The following USP33 variants were observed in gnomAD, a reference collection of about 807,000 sequenced individuals.
USP33 encodes ubiquitin carboxyl-terminal hydrolase 33.
In USP33, 46 loss-of-function variants were observed where a neutral mutation model predicts 124.2. The observed-to-expected ratio is 0.37, with a 90% CI of 0.29 to 0.47. The LOEUF (loss-of-function observed/expected upper bound fraction) is 0.47. Among genes scored for constraint, USP33 ranks in the 20% least tolerant of loss-of-function variants. The probability of loss-of-function intolerance (pLI) is 0.99; values close to 1 mark genes in which losing one functional copy is unlikely to be tolerated. For missense variants in USP33, 851 were observed against 1,070.6 expected, an observed-to-expected ratio of 0.79 and a Z score of 2.86; for synonymous variants, 350 against 352.3, an observed-to-expected ratio of 0.99 and a Z score of 0.07.
intron 21 of USP33, among the ~76,000 whole-genome samples, chr1:77,708,775 C>G (rs1674910535): frequency 3.6e-5 from 1 of 27,506 alleles, no homozygotes; most frequent in Non-Finnish European, 6.7e-5. Flanking sequence ...TTCAGGTTAT[C>G]CACCTGTGTA....
chr1:77,746,298 C>T (rs1679732887), intron 1 of USP33: 1 of 152,144 alleles, frequency 6.6e-6, no homozygotes, highest in Non-Finnish European at 1.5e-5. Context: ...TGGATAAATT[C>T]CTGGACACAT....
chr1:77,716,002 G>A (rs1349106344), intron 17 of USP33, 134 bp from the exon 18 acceptor site: 1 of 944,636 alleles, frequency 1.1e-6, no homozygotes. Flanking sequence ...TTTTTTTTCA[G>A]TTTGCACGCT....
Position 77,697,487 on chromosome 1 carries a change from T to C in USP33, c.2579-13A>G, listed in dbSNP as rs1673529908. On this transcript the variant is annotated splice_polypyrimidine_tract_variant and intron_variant, in intron 23 of 23. Coordinates refer to ENST00000370794, the MANE Select transcript of USP33 (RefSeq NM_201624.3). ...CCAGAATCTGCTCCTTAAAATTACG[T>C]AGAAGAAATAATGTTTACAAACCTA... 2.5e-6 allele frequency: 4 copies of C among 1,587,322 alleles called. No individual in the cohort carries two copies. The highest frequency in any genetic ancestry group is 1.4e-5 in the African/African-American group (1 of 72,976).
At chr1:77,747,239 GC>G (rs1679833161) in intron 1 of USP33, among the ~76,000 whole-genome samples, 1 of 140,466 alleles carries the variant, frequency 7.1e-6, no homozygotes, top group Admixed American at 7.1e-5. Context: ...GGGCTTCTGG[GC>G]TTTTTTTTTT....
intron 22 of USP33, among the ~76,000 whole-genome samples, chr1:77,700,586 C>T (rs1436339847): frequency 2.0e-5 from 3 of 151,666 alleles, no homozygotes; most frequent in Admixed American, 1.3e-4. Context: ...TAAACCTGGG[C>T]AACAGGGTTA....
intron 1 of USP33, among the ~76,000 whole-genome samples, chr1:77,753,115 A>C (rs1052449495): frequency 6.6e-6 from 1 of 152,182 alleles, no homozygotes; most frequent in Non-Finnish European, 1.5e-5. Context: ...GCTAAAATTA[A>C]CAGGACGAAA....
At chr1:77,750,624 A>AAAAGAAAGAAAGAAAG (rs532432531) in intron 1 of USP33, among the ~76,000 whole-genome samples, 33 of 123,386 alleles carry the variant, frequency 2.7e-4, no homozygotes, top group Admixed American at 3.8e-4. Flanking sequence ...CCTGACTTAA[A>AAAAGAAAGAAAGAAAG]AAAGAAAGAA....
At chr1:77,712,401 G>A (rs890020540) in intron 20 of USP33, among the ~76,000 whole-genome samples, 3 of 152,142 alleles carry the variant, frequency 2.0e-5, no homozygotes, top group African/African-American at 7.2e-5. Flanking sequence ...ATGTGTGCCT[G>A]TAATCCCAGG....
intron 12 of USP33, among the ~76,000 whole-genome samples, chr1:77,722,710 A>G (rs2101393925): frequency 6.6e-6 from 1 of 152,342 alleles, no homozygotes; most frequent in East Asian, 1.9e-4. Context: ...ATTTGACTTG[A>G]GATTCTAACA....
At chr1:77,741,776 A>G in intron 1 of USP33, 28 bp from the exon 2 acceptor site, 1 of 1,532,724 alleles carries the variant, frequency 6.5e-7, no homozygotes, top group Non-Finnish European at 8.7e-7. Flanking sequence ...CACACAAAAA[A>G]ATTAATAAAT....
intron 21 of USP33, 54 bp downstream of exon 21, chr1:77,711,693 T>C (rs763060113): frequency 1.3e-6 from 2 of 1,575,182 alleles, no homozygotes; most frequent in South Asian, 2.4e-5. Flanking sequence ...ACTCTGATAA[T>C]TGTCAGGTCT....
chr1:77,698,743 A>G (rs967244776), intron 22 of USP33, among the ~76,000 whole-genome samples: 1 of 150,162 alleles, frequency 6.7e-6, no homozygotes, highest in South Asian at 2.1e-4. Context: ...CTCGTGATCC[A>G]CCCCCCTCGG....
intron 15 of USP33, among the ~76,000 whole-genome samples, chr1:77,720,772 C>T (rs1676478706): frequency 1.3e-5 from 2 of 152,128 alleles, no homozygotes; most frequent in South Asian, 2.1e-4. Flanking sequence ...CTGTCTTTCT[C>T]GTATGCCATT....
intron 1 of USP33, among the ~76,000 whole-genome samples, chr1:77,753,456 T>C (rs1680530769): frequency 6.6e-6 from 1 of 152,016 alleles, no homozygotes; most frequent in South Asian, 2.1e-4. Context: ...ATTTTTTAAT[T>C]GAATAGAGTG....
intron 15 of USP33, chr1:77,720,550 G>C: frequency 1.0e-6 from 1 of 985,384 alleles, no homozygotes; most frequent in Non-Finnish European, 1.2e-6. Context: ...CTAGAAGTCT[G>C]TATTATCCCA....
Position 77,728,353 on chromosome 1 carries a change from T to C in USP33, c.1077A>G (p.Glu359=), listed in dbSNP as rs1164296895. The change falls in exon 10 of 24, where the codon GAA becomes GAG. Residue 359 remains glutamate (E), a synonymous_variant. Transcript: ENST00000370794. ...TTTCCTGGTTGTTTAAGTCGACTGTTTCAGATATAGAGTCTCTATCTTTAT... is the reference window on the plus strand; with the variant it reads ...TTTCCTGGTTGTTTAAGTCGACTGTCTCAGATATAGAGTCTCTATCTTTAT... The part of the protein sequence containing the change: ...EFDKDRDSIS[E]TVDLNNQETV... 2 of 1,611,548 alleles carry C rather than the reference T, an allele frequency of 1.2e-6. No homozygotes were observed. Among genetic ancestry groups the C allele is most frequent in the Non-Finnish European group, 1.7e-6 (2 of 1,179,472 alleles).
In USP33 at chr1:77,729,942, A is replaced by G. The variant is rs768039841; in HGVS notation, c.639-4T>C. The G allele has an allele frequency of 3.1e-6, 5 of 1,590,110 alleles. No individual in the cohort carries two copies. Among genetic ancestry groups the G allele is most frequent in the East Asian group, 2.2e-5 (1 of 44,668 alleles). The stretch of plus-strand genomic sequence containing the variant: ...AGTAGGCACAACAGATCCTGGCCTG[A>G]GCAAGAAAACATTTTTAAAGAGCAA... On this transcript the variant is annotated splice_region_variant and splice_polypyrimidine_tract_variant and intron_variant, in intron 8 of 23. Coordinates refer to ENST00000370794, the MANE Select transcript of USP33 (RefSeq NM_201624.3).
intron 9 of USP33, among the ~76,000 whole-genome samples, chr1:77,729,126 A>G (rs1182717228): frequency 2.6e-5 from 4 of 152,126 alleles, no homozygotes; most frequent in Non-Finnish European, 4.4e-5. Flanking sequence ...GGCTGGTCTC[A>G]AGCTCCTGGG....
intron 1 of USP33, among the ~76,000 whole-genome samples, chr1:77,744,673 G>T (rs985764602): frequency 6.6e-6 from 1 of 152,108 alleles, no homozygotes; most frequent in Non-Finnish European, 1.5e-5. Flanking sequence ...GCGAGACCTC[G>T]TCTCTACTAA....
Sources: allele counts gnomAD v4.1 joint callset (sites outside exome capture counted in the v4.1 genomes callset), GRCh38; gene constraint gnomAD v4.1.1; transcripts MANE v1.5; gene names NCBI Gene and HGNC (gene_info 2026-07-23, HGNC 2026-07-21).